The following SH2D7 variants were observed in gnomAD, a reference collection of about 807,000 sequenced individuals.
SH2D7 encodes SH2 domain-containing protein 7.
Under a neutral mutation model 40.8 loss-of-function variants are expected in SH2D7, and 32 were observed. That is an observed-to-expected ratio of 0.78 (90% CI 0.59 to 1.05). The LOEUF is 1.05. Ranked by LOEUF, SH2D7 falls within the 50% of genes least tolerant of loss-of-function variation. SH2D7 has a pLI of 0.00. For missense variants in SH2D7, 559 were observed against 566.6 expected (o/e 0.99, Z 0.14); for synonymous variants, 195 against 221.5 (o/e 0.88, Z 1.06).
chr15:78,101,145 G>C lies in SH2D7; in HGVS notation c.892G>C (p.Val298Leu). 2 of 1,561,084 alleles carry C rather than the reference G, an allele frequency of 1.3e-6. No homozygotes were observed. Among genetic ancestry groups the C allele is most frequent in the Non-Finnish European group, 1.7e-6 (2 of 1,157,758 alleles). ...GAACAGGCCTGATGGCCTGGGGCCT[G>C]TCCTTTCTGGGGTGAGCCCAGACCA... ...EQNRPDGLGP[V>L]LSGVSPDQGP... The change falls in exon 5 of 6, where the codon GTC (valine) becomes CTC (leucine). Residue 298 changes from valine (V) to leucine (L), a missense_variant. By Grantham distance (32) the Val-to-Leu change is conservative. Transcript: ENST00000328828.
chr15:78,099,223 G>C (rs2073996343), intron 4 of SH2D7, among the ~76,000 whole-genome samples: 1 of 152,066 alleles, frequency 6.6e-6, no homozygotes, highest in Non-Finnish European at 1.5e-5. Context: ...CAACATATTG[G>C]CCAGGCTGGT....
chr15:78,101,286 G>A lies in SH2D7; in HGVS notation c.1033G>A (p.Gly345Ser). The change falls in exon 5 of 6, where the codon GGC (glycine) becomes AGC (serine). Residue 345 changes from glycine to serine, a missense_variant. By Grantham distance (56) the Gly-to-Ser change is moderately conservative. Coordinates refer to ENST00000328828, the MANE Select transcript of SH2D7 (RefSeq NM_001101404.2). ...CCAAGAGGCTCAGCCCTGCTCCCAG[G>A]GCAGCTCTGCAGATATCTATGAGTT... Reference protein sequence around the residue: ...LSQEAQPCSQGSSADIYEFIG... With the variant: ...LSQEAQPCSQSSSADIYEFIG... The A allele has an allele frequency of 1.2e-6, 2 of 1,612,656 alleles. No individual in the cohort carries two copies. Among genetic ancestry groups the A allele is most frequent in the Non-Finnish European group, 8.5e-7 (1 of 1,179,402 alleles).
intron 4 of SH2D7, among the ~76,000 whole-genome samples, chr15:78,100,318 T>A (rs2074005069): frequency 6.6e-6 from 1 of 152,032 alleles, no homozygotes; most frequent in Non-Finnish European, 1.5e-5. Flanking sequence ...GAGGGACCAG[T>A]GGACCACAAT....
chr15:78,092,515 G>A (rs200042024), upstream of SH2D7: 1 of 1,473,378 alleles, frequency 6.8e-7, no homozygotes, highest in East Asian at 2.5e-5. Flanking sequence ...AGGCAAATGA[G>A]CCAGAGCACA....
chr15:78,098,227 T>C, intron 3 of SH2D7, 133 bp downstream of exon 3: 17 of 1,402,242 alleles, frequency 1.2e-5, no homozygotes, highest in Non-Finnish European at 1.6e-5. Context: ...TGTGGGGTCA[T>C]GATCCCTATT....
At chr15:78,095,191 T>TA in intron 2 of SH2D7, among the ~76,000 whole-genome samples, 1 of 152,368 alleles carries the variant, frequency 6.6e-6, no homozygotes, top group South Asian at 2.1e-4. Flanking sequence ...AATCAGTTGA[T>TA]ACGTTTAAAA....
chr15:78,093,218 A>G (rs1362204594), intron 1 of SH2D7, among the ~76,000 whole-genome samples: 1 of 152,242 alleles, frequency 6.6e-6, no homozygotes, highest in African/African-American at 2.4e-5. Context: ...GTCTCCAAGC[A>G]GCCAAAACAC....
At chr15:78,090,956 A>G (rs1458893790), upstream of SH2D7, among the ~76,000 whole-genome samples, 3 of 152,200 alleles carry the variant, frequency 2.0e-5, no homozygotes, top group Non-Finnish European at 4.4e-5. Context: ...CCAGATCAAG[A>G]AACAGAACAC....
chr15:78,092,800 G>A, intron 1 of SH2D7, 40 bp downstream of exon 1: 1 of 1,553,152 alleles, frequency 6.4e-7, no homozygotes, highest in Non-Finnish European at 8.7e-7. Context: ...ATAGCCCACA[G>A]CCCCTTGGGG....
chr15:78,092,337 C>T (rs1273443933), upstream of SH2D7, among the ~76,000 whole-genome samples: 5 of 152,180 alleles, frequency 3.3e-5, no homozygotes, highest in East Asian at 1.9e-4. Context: ...CAGGAAGCCA[C>T]GGAGGGCCTT....
chr15:78,092,478 A>G (rs1043289612), upstream of SH2D7: 3 of 1,247,350 alleles, frequency 2.4e-6, no homozygotes, highest in Non-Finnish European at 3.3e-6. Context: ...GCTGTGTGCT[A>G]TGGGCCCTTG....
chr15:78,102,537 GGTGGTGGTGGTGGTA>G (rs980303480), intron 5 of SH2D7, among the ~76,000 whole-genome samples: 4 of 151,942 alleles, frequency 2.6e-5, no homozygotes, highest in Non-Finnish European at 2.9e-5. Flanking sequence ...GGATCTCTGG[GGTGGTGGTGGTGGTA>G]GTGGTGGTGG....
chr15:78,099,425 T>A (rs913467374), intron 4 of SH2D7, among the ~76,000 whole-genome samples: 1 of 151,658 alleles, frequency 6.6e-6, no homozygotes, highest in Non-Finnish European at 1.5e-5. Flanking sequence ...TGATTTCCCC[T>A]GCCTGCGCCT....
rs2073984256 is a variant in SH2D7 at position 78,097,975 on chromosome 15, C to T, written c.313C>T (p.Arg105Trp). 13 of 1,611,302 alleles carry T rather than the reference C, an allele frequency of 8.1e-6. No homozygotes were observed. The highest frequency in any genetic ancestry group is 2.2e-5 in the East Asian group (1 of 44,644). ...RHFVINQLRN[R>W]RYIISGDTQS... ...TTTTGTCATCAACCAGCTTCGAAAC[C>T]GGCGTTACATCATCTCAGGAGACAC... The change falls in exon 3 of 6, where the codon CGG (arginine) becomes TGG (tryptophan). Residue 105 changes from arginine to tryptophan, a missense_variant. Coordinates refer to ENST00000328828, the MANE Select transcript of SH2D7 (RefSeq NM_001101404.2).
upstream of SH2D7, chr15:78,092,447 C>A: frequency 1.0e-6 from 1 of 967,436 alleles, no homozygotes; most frequent in Non-Finnish European, 1.5e-6. Flanking sequence ...CAGCCACCAG[C>A]CCAGAGGTGA....
intron 2 of SH2D7, 46 bp from the exon 3 acceptor site, chr15:78,097,883 G>GTT (rs746829185): frequency 2.6e-5 from 41 of 1,597,216 alleles, no homozygotes; most frequent in Non-Finnish European, 3.5e-5. Context: ...CCAAGGCTGG[G>GTT]CTGCCTGTGA....
In SH2D7 at chr15:78,104,286, G is replaced by T. The variant is rs2074035079; in HGVS notation, c.*771G>T. The T allele has an allele frequency of 6.6e-6, 1 of 152,274 alleles. No individual in the cohort carries two copies. The highest frequency in any genetic ancestry group is 2.4e-5 in the African/African-American group (1 of 41,454). The allele number at this position is 152,274 out of a possible 1,614,324, so 9.4% of individuals were successfully genotyped here. ...CTGACCCTGGGCAGAGCGGGCTCAG[G>T]TTGCATTTGTGGGAAATCTACTCTT... is the stretch of plus-strand genomic sequence containing the variant. On this transcript the variant is annotated 3_prime_UTR_variant, in exon 6 of 6. Transcript: ENST00000328828. This position sits in a 1 kb window ranked among gnomAD's most constrained non-coding sequence, Gnocchi z 4.4.
At chr15:78,098,298 A>T in intron 3 of SH2D7, 86 bp from the exon 4 acceptor site, 1 of 1,508,578 alleles carries the variant, frequency 6.6e-7, no homozygotes, top group South Asian at 1.2e-5. Flanking sequence ...GGAATGTTGC[A>T]GTCTCTTACC....
At chr15:78,090,225 G>A (rs868309854), upstream of SH2D7, among the ~76,000 whole-genome samples, 7 of 152,074 alleles carry the variant, frequency 4.6e-5, no homozygotes, top group South Asian at 2.1e-4. Flanking sequence ...TGGCTAACAC[G>A]GTAAAACCCC....
Sources: allele counts gnomAD v4.1 joint callset (sites outside exome capture counted in the v4.1 genomes callset), GRCh38; gene constraint gnomAD v4.1.1; non-coding constraint Gnocchi (gnomAD v3.1); transcripts MANE v1.5; gene names NCBI Gene and HGNC (gene_info 2026-07-23, HGNC 2026-07-21).